NFASC: variants seen among roughly 807,000 people sequenced by gnomAD.
NFASC encodes the protein neurofascin homolog.
In NFASC, 43 loss-of-function variants were observed where a neutral mutation model predicts 147.5. The ratio of observed to expected loss-of-function variants is 0.29; its 90% CI spans 0.23 to 0.38. The LOEUF (loss-of-function observed/expected upper bound fraction) is 0.38. Ranked by LOEUF, NFASC falls within the 10% of genes least tolerant of loss-of-function variation. The pLI, the probability that NFASC is intolerant of heterozygous loss-of-function variation, is 1.00. For missense variants in NFASC, 1,320 were observed against 1,689.0 expected (o/e 0.78, Z 3.83); for synonymous variants, 622 against 665.5 (o/e 0.93, Z 1.01).
At chr1:204,942,123 T>C (rs2093399079) in intron 2 of NFASC, among the ~76,000 whole-genome samples, 1 of 152,186 alleles carries the variant, frequency 6.6e-6, no homozygotes, top group Non-Finnish European at 1.5e-5. Context: ...CCTTCCCTTA[T>C]AAAAAAGCTT....
intron 1 of NFASC, chr1:204,870,703 GA>G: frequency 9.1e-7 from 1 of 1,095,814 alleles, no homozygotes; most frequent in South Asian, 2.5e-5. Context: ...AGGGAGGGGT[GA>G]GTGGTTATTA....
chr1:204,836,802 T>C (rs1258354222), intron 1 of NFASC, among the ~76,000 whole-genome samples: 1 of 152,268 alleles, frequency 6.6e-6, no homozygotes, highest in Non-Finnish European at 1.5e-5. Context: ...TGAGTGGAAT[T>C]GAAGCCTTTG....
At chr1:204,993,991 G>A (rs189637130) in intron 24 of NFASC, among the ~76,000 whole-genome samples, 4 of 152,178 alleles carry the variant, frequency 2.6e-5, no homozygotes, top group East Asian at 1.9e-4. Context: ...ACCTTCCCTC[G>A]GAGGCTTTTC....
chr1:204,896,174 G>A (rs967488894), intron 1 of NFASC, among the ~76,000 whole-genome samples: 4 of 152,294 alleles, frequency 2.6e-5, no homozygotes, highest in African/African-American at 9.6e-5. Context: ...GAGGTGCATC[G>A]CCTGAAGCTG....
intron 1 of NFASC, among the ~76,000 whole-genome samples, chr1:204,829,381 C>G (rs575769122): frequency 1.3e-5 from 2 of 151,934 alleles, no homozygotes; most frequent in African/African-American, 4.8e-5. Flanking sequence ...CCTTCTCCCC[C>G]CTTTGGCTGT....
Position 205,018,772 on chromosome 1 carries a change from T to C in NFASC, c.*2233T>C, listed in dbSNP as rs1248379618. ...GCAGAGTAGTCAGTTTCTCAGACAC[T>C]CATTCCATACTGCACCGTACATGCC... On this transcript the variant is annotated 3_prime_UTR_variant, in exon 30 of 30. Coordinates refer to ENST00000339876, the MANE Select transcript of NFASC (RefSeq NM_001005388.3). 2 of 152,452 alleles carry C rather than the reference T, an allele frequency of 1.3e-5. No individual in the cohort carries two copies. Among genetic ancestry groups the C allele is most frequent in the Non-Finnish European group, 2.9e-5 (2 of 68,052 alleles). The allele number at this position is 152,452 out of a possible 1,614,324, so 9.4% of individuals were successfully genotyped here. A position where few individuals can be genotyped will look rare whatever the true frequency, so the allele number is the denominator to read the frequency against.
At chr1:204,962,226 A>T in intron 8 of NFASC, 2 of 1,308,664 alleles carry the variant, frequency 1.5e-6, no homozygotes, top group South Asian at 1.2e-5. Context: ...AACTTGACTG[A>T]TACCACGTCA....
At chr1:204,984,294 G>A (rs1358658704) in intron 21 of NFASC, 2 of 571,306 alleles carry the variant, frequency 3.5e-6, no homozygotes, top group Non-Finnish European at 6.3e-6. Context: ...AGGGTTAGAT[G>A]TTCAAAAATA....
At chr1:204,873,612 C>T (rs138234706) in intron 1 of NFASC, among the ~76,000 whole-genome samples, 13 of 152,286 alleles carry the variant, frequency 8.5e-5, no homozygotes, top group East Asian at 1.9e-4. Flanking sequence ...GGGAAGGCTT[C>T]GTTCTTTACC....
intron 27 of NFASC, among the ~76,000 whole-genome samples, chr1:205,003,563 G>GCCC (rs1418602995): frequency 6.5e-4 from 99 of 152,344 alleles, no homozygotes; most frequent in African/African-American, 2.2e-3. Flanking sequence ...AGGCTGCCAA[G>GCCC]TGGCCGGTAT....
chr1:204,898,561 A>G (rs990256667), intron 1 of NFASC, among the ~76,000 whole-genome samples: 1 of 152,186 alleles, frequency 6.6e-6, no homozygotes, highest in African/African-American at 2.4e-5. Context: ...AGGGCAGAGC[A>G]CTCTATGGCT....
chr1:204,988,895 G>A (rs746257084), intron 23 of NFASC, 89 bp downstream of exon 23: 3 of 1,286,944 alleles, frequency 2.3e-6, no homozygotes, highest in East Asian at 4.7e-5. Context: ...TGGCTGCCTG[G>A]GATGGAGAGG....
intron 2 of NFASC, among the ~76,000 whole-genome samples, chr1:204,933,563 G>A (rs2092557175): frequency 6.6e-6 from 1 of 152,188 alleles, no homozygotes; most frequent in African/African-American, 2.4e-5. Context: ...CCAAGATGGG[G>A]CCTCAAAGTG....
rs1676536425 is a variant in NFASC at position 204,845,017 on chromosome 1, TG to T, written c.-200+16239del. 2.0e-5 allele frequency among the ~76,000 whole-genome samples: 3 copies of T among 152,220 alleles called. No individual in the cohort carries two copies. The South Asian group carries it at 6.2e-4, about 32-fold the overall frequency. On this transcript the variant is annotated intron_variant, in intron 1 of 29. Transcript: ENST00000339876. ...TGCTTATTAAGGCCCACTGTTTTAC[TG>T]GGGCCCATTGTATGAGGGTGAAGTT... is the stretch of plus-strand genomic sequence containing the variant.
At chr1:204,920,298 A>T (rs1342696523) in intron 1 of NFASC, among the ~76,000 whole-genome samples, 2 of 152,166 alleles carry the variant, frequency 1.3e-5, no homozygotes, top group African/African-American at 4.8e-5. Flanking sequence ...CCCCTGGTGG[A>T]GGAGAGATTC....
intron 3 of NFASC, chr1:204,945,167 T>A (rs1168812078): frequency 6.6e-6 from 1 of 152,290 alleles, no homozygotes; most frequent in Admixed American, 6.5e-5. Context: ...ATGGCCCATG[T>A]ATTGGCAGCC....
At chr1:204,914,006 T>A (rs1332076998) in intron 1 of NFASC, among the ~76,000 whole-genome samples, 2 of 150,440 alleles carry the variant, frequency 1.3e-5, no homozygotes, top group Non-Finnish European at 3.0e-5. Context: ...CAAAACATAG[T>A]GAAATAGAAA....
At chr1:204,997,116 A>G in intron 24 of NFASC, 54 bp from the exon 25 acceptor site, 1 of 1,571,452 alleles carries the variant, frequency 6.4e-7, no homozygotes, top group Non-Finnish European at 8.7e-7. Flanking sequence ...CCGTGTGTCC[A>G]GGCTGGGCAC....
intron 3 of NFASC, chr1:204,946,934 G>T: frequency 2.5e-6 from 1 of 394,284 alleles, no homozygotes; most frequent in Non-Finnish European, 5.1e-6. Context: ...GGTGATCCCT[G>T]CTGCCCTCAA....
Sources: allele counts gnomAD v4.1 joint callset (sites outside exome capture counted in the v4.1 genomes callset), GRCh38; gene constraint gnomAD v4.1.1; transcripts MANE v1.5; gene names NCBI Gene and HGNC (gene_info 2026-07-23, HGNC 2026-07-21).